Variants in C3orf52 observed in about 807,000 individuals in gnomAD.
C3orf52 encodes the protein chromosome 3 open reading frame 52.
In C3orf52, 22 loss-of-function variants were observed where a neutral mutation model predicts 24.8. That is an observed-to-expected ratio of 0.89 (90% CI 0.63 to 1.27). The LOEUF is 1.27. C3orf52 is among the 50% of genes most tolerant of loss of function. The probability of loss-of-function intolerance (pLI) is 0.00; values close to 1 mark genes in which losing one functional copy is unlikely to be tolerated. For synonymous variants in C3orf52, 93 were observed against 100.2 expected (o/e 0.93, Z 0.43); for missense variants, 265 against 260.7 (o/e 1.02, Z -0.11).
At chr3:112,107,099 A>G (rs2074032411) in intron 3 of C3orf52, among the ~76,000 whole-genome samples, 1 of 152,208 alleles carries the variant, frequency 6.6e-6, no homozygotes, top group Non-Finnish European at 1.5e-5. Context: ...TCGAGTGAAC[A>G]CTAAAAATGA....
chr3:112,118,030 T>A lies in C3orf52; in HGVS notation c.*1384T>A, dbSNP rs2074154197. 6.6e-6 allele frequency: 1 copy of A among 152,238 alleles called. No individual in the cohort carries two copies. Among genetic ancestry groups the A allele is most frequent in the Non-Finnish European group, 1.5e-5 (1 of 68,046 alleles). The allele number at this position is 152,238 out of a possible 1,614,324, so 9.4% of individuals were successfully genotyped here. ...AACTAGAAGATACATGTACTATAGA[T>A]CATTGTCTCATTTTAGTGATTGTTC... is the stretch of plus-strand genomic sequence containing the variant. On this transcript the variant is annotated 3_prime_UTR_variant, in exon 6 of 6. Transcript: ENST00000264848.
downstream of C3orf52, among the ~76,000 whole-genome samples, chr3:112,120,164 G>A (rs1441775506): frequency 1.3e-5 from 2 of 152,212 alleles, no homozygotes; most frequent in Non-Finnish European, 2.9e-5. Context: ...ATTTACACTG[G>A]TCCACTTCAC....
At chr3:112,130,228 T>C (rs527509774), downstream of C3orf52, 1 of 575,278 alleles carries the variant, frequency 1.7e-6, no homozygotes, top group Non-Finnish European at 3.1e-6. Flanking sequence ...TTAGTTCCTG[T>C]TGCTAGGAGT....
intron 3 of C3orf52, among the ~76,000 whole-genome samples, chr3:112,106,664 T>C (rs549785398): frequency 1.3e-5 from 2 of 152,228 alleles, no homozygotes; most frequent in African/African-American, 4.8e-5. Flanking sequence ...CTAAACAGTA[T>C]ACATATTGTT....
chr3:112,094,597 A>G (rs1227653804), intron 2 of C3orf52, among the ~76,000 whole-genome samples: 2 of 152,172 alleles, frequency 1.3e-5, no homozygotes, highest in Non-Finnish European at 2.9e-5. Context: ...TTATGTTTAG[A>G]TCATTTTGCC....
At chr3:112,118,235 C>T (rs2074156622), downstream of C3orf52, 1 of 152,126 alleles carries the variant, frequency 6.6e-6, no homozygotes, top group Admixed American at 6.5e-5. Flanking sequence ...ATTGGCTGAG[C>T]TTTGGGCTGG....
chr3:112,086,616 G>GC, intron 1 of C3orf52, 71 bp downstream of exon 1: 1 of 1,494,866 alleles, frequency 6.7e-7, no homozygotes, highest in Non-Finnish European at 9.0e-7. Flanking sequence ...CCTGGCACCC[G>GC]CGAGTTTCGG....
At chr3:112,102,805 G>A (rs1240259625) in intron 2 of C3orf52, 33 bp from the exon 3 acceptor site, 1 of 1,523,284 alleles carries the variant, frequency 6.6e-7, no homozygotes, top group African/African-American at 1.4e-5. Flanking sequence ...GTTTACTTTT[G>A]TTTTTCATTT....
chr3:112,111,054 C>A (rs983232256), intron 4 of C3orf52, among the ~76,000 whole-genome samples: 2 of 152,152 alleles, frequency 1.3e-5, no homozygotes, highest in African/African-American at 4.8e-5. Context: ...ACTAAAAATA[C>A]AAAAATTAGC....
intron 4 of C3orf52, among the ~76,000 whole-genome samples, chr3:112,126,690 T>G (rs1559984281): frequency 6.6e-6 from 1 of 152,200 alleles, no homozygotes; most frequent in Non-Finnish European, 1.5e-5. Flanking sequence ...CTGGCTTTCT[T>G]GCAGTTTCTT....
chr3:112,096,975 C>T (rs377142484), intron 2 of C3orf52, among the ~76,000 whole-genome samples: 108 of 152,282 alleles, frequency 7.1e-4, no homozygotes, highest in African/African-American at 2.6e-3. Context: ...ACCTGTCCAC[C>T]AGACTCACAA....
intron 4 of C3orf52, chr3:112,111,937 G>A (rs1037473961): frequency 5.3e-5 from 8 of 152,318 alleles, no homozygotes; most frequent in African/African-American, 1.9e-4. Flanking sequence ...AAGCTCAATT[G>A]TCAGCCACCT....
chr3:112,128,894 T>TACAGTATGTATGTA (rs2074389656), downstream of C3orf52: 1 of 152,264 alleles, frequency 6.6e-6, no homozygotes, highest in Non-Finnish European at 1.5e-5. Flanking sequence ...TAGTATCAGT[T>TACAGTATGTATGTA]ACAGTATGTA....
intron 5 of C3orf52, among the ~76,000 whole-genome samples, chr3:112,115,342 G>A (rs750994130): frequency 1.2e-4 from 18 of 152,118 alleles, no homozygotes; most frequent in Non-Finnish European, 2.2e-4. Context: ...AAGGGAAAAT[G>A]TGTCAGGGAG....
At chr3:112,086,831 C>T (rs1164461811) in intron 1 of C3orf52, among the ~76,000 whole-genome samples, 2 of 152,172 alleles carry the variant, frequency 1.3e-5, no homozygotes, top group Admixed American at 1.3e-4. Flanking sequence ...GAGAGGTATT[C>T]CGGAGATGGA....
At chr3:112,110,820 A>G (rs1251021052) in intron 4 of C3orf52, among the ~76,000 whole-genome samples, 1 of 152,232 alleles carries the variant, frequency 6.6e-6, no homozygotes, top group Non-Finnish European at 1.5e-5. Flanking sequence ...GGGGAGGCAC[A>G]TAAAGCAGGT....
downstream of C3orf52, chr3:112,133,233 C>T (rs979046277): frequency 4.3e-5 from 47 of 1,100,530 alleles, no homozygotes; most frequent in Middle Eastern, 2.0e-4. Flanking sequence ...TCTGGCCACC[C>T]GTGCAGAGAC....
At chr3:112,096,896 C>A (rs1488251962) in intron 2 of C3orf52, among the ~76,000 whole-genome samples, 1 of 152,168 alleles carries the variant, frequency 6.6e-6, no homozygotes. Context: ...TGAAGAATGA[C>A]AAATTCAGGA....
At chr3:112,093,240 G>T (rs968150209) in intron 1 of C3orf52, 120 bp from the exon 2 acceptor site, 10 of 952,258 alleles carry the variant, frequency 1.1e-5, no homozygotes, top group Admixed American at 2.8e-5. Context: ...ATTCAGTAGA[G>T]TGTTGCCCTA....
Sources: allele counts gnomAD v4.1 joint callset (sites outside exome capture counted in the v4.1 genomes callset), GRCh38; gene constraint gnomAD v4.1.1; transcripts MANE v1.5; gene names NCBI Gene and HGNC (gene_info 2026-07-23, HGNC 2026-07-21).